Variants in CTSS observed in about 807,000 individuals in gnomAD.
CTSS encodes cathepsin S.
A neutral mutation model predicts 39.9 loss-of-function variants in CTSS; 15 were observed. The ratio of observed to expected loss-of-function variants is 0.38; its 90% CI spans 0.25 to 0.58. The LOEUF is 0.58. Among genes scored for constraint, CTSS ranks in the 20% least tolerant of loss-of-function variants. The probability of loss-of-function intolerance (pLI) is 0.70; values close to 1 mark genes in which losing one functional copy is unlikely to be tolerated. For synonymous variants in CTSS, 126 were observed against 138.2 expected (o/e 0.91, Z 0.62); for missense variants, 250 against 398.2 (o/e 0.63, Z 3.17).
chr1:150,739,206 A>G (rs587731364), intron 7 of CTSS, among the ~76,000 whole-genome samples: 1 of 152,188 alleles, frequency 6.6e-6, no homozygotes, highest in South Asian at 2.1e-4. Context: ...AAACAAAAAC[A>G]AAAAACAACC....
chr1:150,746,596 G>A (rs1652900840), intron 7 of CTSS, among the ~76,000 whole-genome samples: 1 of 152,124 alleles, frequency 6.6e-6, no homozygotes, highest in Admixed American at 6.6e-5. Context: ...AAAAAGACAT[G>A]TTCCTCAGCC....
chr1:150,760,796 T>TC (rs1024775031), intron 2 of CTSS, among the ~76,000 whole-genome samples: 2 of 150,858 alleles, frequency 1.3e-5, no homozygotes, highest in Non-Finnish European at 2.9e-5. Flanking sequence ...GGCAAGAGAA[T>TC]CACTTGAGCT....
At chr1:150,758,120 G>A in intron 2 of CTSS, 140 bp from the exon 3 acceptor site, 1 of 689,652 alleles carries the variant, frequency 1.5e-6, no homozygotes, top group Non-Finnish European at 2.3e-6. Flanking sequence ...CACGATCTCA[G>A]CTTACTTCAA....
At chr1:150,738,490 A>AT (rs200199076) in intron 7 of CTSS, among the ~76,000 whole-genome samples, 5,096 of 138,870 alleles carry the variant, frequency 0.037, 160 homozygotes, top group African/African-American at 0.087. Flanking sequence ...GTGATCAGTG[A>AT]TTTTTTTTTT....
intron 7 of CTSS, among the ~76,000 whole-genome samples, chr1:150,747,096 C>T (rs974106521): frequency 2.0e-5 from 3 of 152,132 alleles, no homozygotes; most frequent in African/African-American, 7.2e-5. Context: ...AGAGAAGGAA[C>T]AGAATCAAGG....
chr1:150,760,560 T>G lies in CTSS; in HGVS notation c.127-2580A>C, dbSNP rs750842168. Among the ~76,000 whole-genome samples the G allele has an allele frequency of 2.6e-5, 4 of 151,596 alleles. No homozygotes were observed. The South Asian group carries it at 8.3e-4, about 32-fold the overall frequency. On this transcript the variant is annotated intron_variant, in intron 2 of 7. Transcript: ENST00000368985. ...ATCTCCAAATAAGAGAAGGAAGAAG[T>G]GAAATTGCGTTTGTTTGTTGATAAC... is the stretch of plus-strand genomic sequence containing the variant.
At chr1:150,757,694 G>A (rs1653162297) in intron 3 of CTSS, among the ~76,000 whole-genome samples, 164 bp downstream of exon 3, 1 of 152,086 alleles carries the variant, frequency 6.6e-6, no homozygotes, top group Non-Finnish European at 1.5e-5. Flanking sequence ...AACTAAGTAA[G>A]AAATTTCTGT....
At chr1:150,750,428 G>A (rs2101919449) in intron 5 of CTSS, among the ~76,000 whole-genome samples, 1 of 152,246 alleles carries the variant, frequency 6.6e-6, no homozygotes, top group Admixed American at 6.5e-5. Context: ...TGGCCCCTCA[G>A]ACTTTCAGGT....
chr1:150,765,427 T>C (rs998629753), intron 1 of CTSS, among the ~76,000 whole-genome samples: 1 of 152,218 alleles, frequency 6.6e-6, no homozygotes, highest in Admixed American at 6.5e-5. Context: ...CTACTTTCTT[T>C]TCCATTTCTT....
rs587642423 is a variant in CTSS at position 150,751,856 on chromosome 1, G to A, written c.552C>T (p.Phe184=). 1 of 1,614,198 alleles carries A rather than the reference G, an allele frequency of 6.2e-7. No individual in the cohort carries two copies. The highest frequency in any genetic ancestry group is 1.3e-5 in the African/African-American group (1 of 75,050). ...KYGNKGCNGG[F]MTTAFQYIID... Reference sequence around the variant, plus strand: ...TGATGTACTGGAAAGCCGTTGTCATGAAGCCACCATTGCAGCCTTTGTTTC... The same window carrying A: ...TGATGTACTGGAAAGCCGTTGTCATAAAGCCACCATTGCAGCCTTTGTTTC... Residue 184 remains phenylalanine, a synonymous_variant, in exon 5 of 8, where the codon TTC becomes TTT. Transcript: ENST00000368985.
At chr1:150,751,192 G>A (rs1361373867) in intron 5 of CTSS, among the ~76,000 whole-genome samples, 4 of 151,960 alleles carry the variant, frequency 2.6e-5, no homozygotes, top group Non-Finnish European at 5.9e-5. Flanking sequence ...GTTGAGCATG[G>A]GAGGCTGCAG....
intron 7 of CTSS, among the ~76,000 whole-genome samples, chr1:150,743,360 C>T (rs755113007): frequency 2.6e-5 from 4 of 151,368 alleles, no homozygotes; most frequent in Non-Finnish European, 5.9e-5. Flanking sequence ...TTAGGCATTT[C>T]CTCTTCAACA....
rs1652552643 is a variant in CTSS, at chr1:150,732,832, C to T, written c.*214G>A. On this transcript the variant is annotated 3_prime_UTR_variant, in exon 8 of 8. Transcript: ENST00000368985. ...CCATGTTAGCCAGGCTGCTCTTTAACTCCTGGCCTCAAGTTGATATGCCTG... is the reference window on the plus strand; with the variant it reads ...CCATGTTAGCCAGGCTGCTCTTTAATTCCTGGCCTCAAGTTGATATGCCTG... 2 of 357,136 alleles carry T rather than the reference C, an allele frequency of 5.6e-6. No individual in the cohort carries two copies. The highest frequency in any genetic ancestry group is 1.0e-5 in the Non-Finnish European group (2 of 195,382). 22.1% of individuals were successfully genotyped at this position (357,136 alleles called of 1,614,324 possible).
Position 150,747,702 on chromosome 1 carries a change from C to T in CTSS, c.896+75G>A, listed in dbSNP as rs958764690. On this transcript the variant is annotated intron_variant, in intron 7 of 7. Transcript: ENST00000368985. ...ATATCGTGATCATAATGATCATCAT[C>T]AAAATCATGAGAGTATTTGCTGAAA... 25 of 936,578 alleles carry T rather than the reference C, an allele frequency of 2.7e-5. 1 individual carries two copies. The South Asian group carries it at 3.4e-4, about 13-fold the overall frequency. The allele number at this position is 936,578 out of a possible 1,614,324, so 58.0% of individuals were successfully genotyped here.
At chr1:150,749,853 C>A (rs947446304) in intron 6 of CTSS, among the ~76,000 whole-genome samples, 153 bp downstream of exon 6, 3 of 151,756 alleles carry the variant, frequency 2.0e-5, no homozygotes, top group African/African-American at 7.3e-5. Context: ...AAGGGTCTCG[C>A]GATGTTGCTC....
intron 6 of CTSS, 157 bp from the exon 7 acceptor site, chr1:150,748,036 A>G (rs587669201): frequency 1.8e-6 from 1 of 548,276 alleles, no homozygotes; most frequent in East Asian, 3.3e-5. Context: ...TCATGCCTGT[A>G]ATCCCAGAAG....
chr1:150,755,715 G>T (rs1352448446), intron 3 of CTSS, among the ~76,000 whole-genome samples: 1 of 152,004 alleles, frequency 6.6e-6, no homozygotes, highest in East Asian at 1.9e-4. Context: ...ACTCCAGCCT[G>T]GGCGACAGAG....
intron 7 of CTSS, among the ~76,000 whole-genome samples, chr1:150,742,271 A>G (rs1652784681): frequency 6.6e-6 from 1 of 152,118 alleles, no homozygotes; most frequent in South Asian, 2.1e-4. Flanking sequence ...AAAAAAGAAT[A>G]AATACAGCTT....
intron 3 of CTSS, 120 bp from the exon 4 acceptor site, chr1:150,755,270 G>A: frequency 1.8e-6 from 2 of 1,117,030 alleles, no homozygotes; most frequent in Non-Finnish European, 2.6e-6. Context: ...CAAACCTAGA[G>A]CGTATTGGCT....
Sources: gnomAD v4.1 joint callset for allele counts (sites outside exome capture counted in the v4.1 genomes callset) on GRCh38, gnomAD v4.1.1 for gene constraint, MANE v1.5 for transcripts, NCBI Gene and HGNC (gene_info 2026-07-23, HGNC 2026-07-21) for gene names.